The following GOLGA6L7 variants were observed in gnomAD, a reference collection of about 807,000 sequenced individuals.
GOLGA6L7 encodes golgin subfamily A member 6-like protein 7.
GOLGA6L7 carries 29 observed loss-of-function variants against 68.9 expected under a neutral mutation model. That is an observed-to-expected ratio of 0.42 (90% CI 0.31 to 0.57). GOLGA6L7 has a LOEUF of 0.57. Among genes scored for constraint, GOLGA6L7 ranks in the 20% least tolerant of loss-of-function variants. GOLGA6L7 has a pLI of 0.13. For synonymous variants in GOLGA6L7, 133 were observed against 197.4 expected (o/e 0.67, Z 2.73); for missense variants, 396 against 588.4 (o/e 0.67, Z 3.38).
rs375469323 is a variant in GOLGA6L7 at position 28,842,399 on chromosome 15, G to C, written c.1705C>G (p.Arg569Gly). 8.2e-6 allele frequency: 10 copies of C among 1,214,366 alleles called. No individual in the cohort carries two copies. The highest frequency in any genetic ancestry group is 1.6e-5 in the African/African-American group (1 of 63,776). 75.2% of individuals were successfully genotyped at this position (1,214,366 alleles called of 1,614,324 possible). A position where few individuals can be genotyped will look rare whatever the true frequency, so the allele number is the denominator to read the frequency against. Reference sequence around the variant, plus strand: ...TGGGAATAACCCTTCCCGGCCTCTCGTGCAGGCTCCAGGCTGCCAGGGTGG... The same window carrying C: ...TGGGAATAACCCTTCCCGGCCTCTCCTGCAGGCTCCAGGCTGCCAGGGTGG... ...MSHPGSLEPA[R>G]EAGKGYSHDN... is the part of the protein sequence containing the mutation. The change falls in exon 9 of 9, where the codon CGA becomes GGA. Residue 569 changes from arginine to glycine, a missense_variant. Physicochemically the swap from Arg to Gly is moderately radical, Grantham distance 125 (BLOSUM62 -2). Transcript: ENST00000567390.
chr15:28,846,107 G>A, intron 3 of GOLGA6L7, 113 bp downstream of exon 3: 1 of 727,364 alleles, frequency 1.4e-6, no homozygotes, highest in Middle Eastern at 2.7e-4. Flanking sequence ...GAAGCTGGGA[G>A]GTGAGCCTTC....
chr15:28,843,584 T>C (rs1188955564), intron 8 of GOLGA6L7, 144 bp from the exon 9 acceptor site: 16 of 475,914 alleles, frequency 3.4e-5, no homozygotes, highest in Non-Finnish European at 3.6e-6. Flanking sequence ...TTGTAGATTT[T>C]TAGCACACTC....
chr15:28,846,172 C>T, intron 3 of GOLGA6L7, 48 bp downstream of exon 3: 1 of 725,078 alleles, frequency 1.4e-6, no homozygotes, highest in South Asian at 1.5e-5. Context: ...TCTGAGTGCC[C>T]CCCAAACCCA....
chr15:28,843,927 C>T (rs2030311609), intron 7 of GOLGA6L7, 52 bp from the exon 8 acceptor site: 7 of 798,768 alleles, frequency 8.8e-6, no homozygotes, highest in Non-Finnish European at 1.2e-5. Flanking sequence ...GAAAGGACCG[C>T]TTTGGTGATC....
Position 28,842,542 on chromosome 15 carries a change from C to T in GOLGA6L7, c.1562G>A (p.Arg521Gln), listed in dbSNP as rs1350713698. The change falls in exon 9 of 9, where the codon CGG becomes CAG. Residue 521 changes from arginine to glutamine, a missense_variant. Transcript: ENST00000567390. ...CTCCCGCCTCTTCTCCACCTGCCTC[C>T]GGATCTTCTCCTCCTCCTCCTGCAT... ...EKMQEEEEKIRRQVEKRREKK... is the reference protein window; with the variant it reads ...EKMQEEEEKIQRQVEKRREKK... The T allele has an allele frequency of 1.3e-5, 16 of 1,244,652 alleles. No homozygotes were observed. The highest frequency in any genetic ancestry group is 3.0e-4 in the Middle Eastern group (1 of 3,280). 77.1% of individuals were successfully genotyped at this position (1,244,652 alleles called of 1,614,324 possible).
chr15:28,844,791 A>G (rs866286906), intron 6 of GOLGA6L7, among the ~76,000 whole-genome samples: 2 of 150,582 alleles, frequency 1.3e-5, no homozygotes, highest in Non-Finnish European at 2.9e-5. Flanking sequence ...CCTCACAGCC[A>G]CCACAGGAGA....
Position 28,843,241 on chromosome 15 carries a change from T to G in GOLGA6L7, c.863A>C (p.Gln288Pro), listed in dbSNP as rs1316835267. Residue 288 changes from glutamine to proline, a missense_variant, in exon 9 of 9, where the codon CAG (glutamine) becomes CCG (proline). Coordinates refer to ENST00000567390, the MANE Select transcript of GOLGA6L7 (RefSeq NM_001365371.2). ...MQEQEEQMRK[Q>P]EEQMRKQEEQ... The stretch of plus-strand genomic sequence containing the variant: ...CTCCTGCTTCCGCATCTGCTCCTCC[T>G]GCTTCCGCATCTGCTCCTCCTGCTC... The G allele has an allele frequency of 8.1e-7, 1 of 1,239,274 alleles. No individual in the cohort carries two copies. The highest frequency in any genetic ancestry group is 1.7e-5 in the African/African-American group (1 of 58,874). The allele number at this position is 1,239,274 out of a possible 1,614,324, so 76.8% of individuals were successfully genotyped here. A position where few individuals can be genotyped will look rare whatever the true frequency, so the allele number is the denominator to read the frequency against.
chr15:28,846,366 A>T, intron 2 of GOLGA6L7, 117 bp from the exon 3 acceptor site: 1 of 701,908 alleles, frequency 1.4e-6, no homozygotes, highest in Non-Finnish European at 2.6e-6. Context: ...CTCAGACCCA[A>T]TGGGAACACA....
chr15:28,843,194 C>T lies in GOLGA6L7; in HGVS notation c.910G>A (p.Glu304Lys), dbSNP rs1174543726. 1.0e-5 allele frequency: 5 copies of T among 484,062 alleles called. No individual in the cohort carries two copies. Among genetic ancestry groups the T allele is most frequent in the African/African-American group, 2.1e-5 (1 of 48,464 alleles). The allele number at this position is 484,062 out of a possible 1,614,324, so 30.0% of individuals were successfully genotyped here. The change falls in exon 9 of 9, where the codon GAG becomes AAG. Residue 304 changes from glutamate (E) to lysine (K), a missense_variant. Glu to Lys is a moderately conservative substitution (Grantham distance 56, BLOSUM62 1). Around this residue, in one of 5 missense-constraint regions of GOLGA6L7, gnomAD observed 114 missense variants for 186.0 expected, o/e 0.61. Transcript: ENST00000567390. ...KQEEQMRKQEEQMRKQEEQMR... is the reference protein window; with the variant it reads ...KQEEQMRKQEKQMRKQEEQMR... ...TGCTCCTCCTGCTTCCGCATCTGCT[C>T]CTCCTGCTTCCGCATCTGCTCCTCC...
rs1335752865 is a variant in GOLGA6L7 at position 28,842,381 on chromosome 15, A to G, written c.1723T>C (p.Tyr575His). ...TGTGCAGTGCGGTTGTCATGGGAAT[A>G]ACCCTTCCCGGCCTCTCGTGCAGGC... The part of the protein sequence containing the change: ...LEPAREAGKG[Y>H]SHDNRTAQIM... Residue 575 changes from tyrosine (Y) to histidine (H), a missense_variant, in exon 9 of 9, where the codon TAT becomes CAT. This residue lies in a region of GOLGA6L7 where 125 missense variants were observed against 163.3 expected (regional missense o/e 0.77). Coordinates refer to ENST00000567390, the MANE Select transcript of GOLGA6L7 (RefSeq NM_001365371.2). 3.2e-6 allele frequency: 4 copies of G among 1,231,526 alleles called. No individual in the cohort carries two copies. Among genetic ancestry groups the G allele is most frequent in the South Asian group, 3.9e-5 (1 of 25,324 alleles). 76.3% of individuals were successfully genotyped at this position (1,231,526 alleles called of 1,614,324 possible).
chr15:28,845,783 A>G lies in GOLGA6L7; in HGVS notation c.290T>C (p.Met97Thr), dbSNP rs1319530361. 4 of 831,430 alleles carry G rather than the reference A, an allele frequency of 4.8e-6. 1 individual carries two copies. The highest frequency in any genetic ancestry group is 6.2e-6 in the Non-Finnish European group (3 of 484,586). The allele number at this position is 831,430 out of a possible 1,614,324, so 51.5% of individuals were successfully genotyped here. Residue 97 changes from methionine to threonine, a missense_variant, in exon 5 of 9, where the codon ATG becomes ACG. Met to Thr is a moderately conservative substitution (Grantham distance 81, BLOSUM62 -1). Around this residue, in one of 5 missense-constraint regions of GOLGA6L7, gnomAD observed 125 missense variants for 119.4 expected, o/e 1.05. Coordinates refer to ENST00000567390, the MANE Select transcript of GOLGA6L7 (RefSeq NM_001365371.2). The stretch of plus-strand genomic sequence containing the variant: ...TGTCTCCAGTTCAGTTTTCTGACAC[A>G]TAAGGATTCGTATGGTATGATCCTG... ...EAQDHTIRIL[M>T]CQKTELETAL...
At chr15:28,848,278 T>A (rs2030513955) in intron 1 of GOLGA6L7, among the ~76,000 whole-genome samples, 1 of 151,282 alleles carries the variant, frequency 6.6e-6, no homozygotes, top group Non-Finnish European at 1.5e-5. Context: ...GCCCCACGAG[T>A]CACCGGCTGA....
intron 6 of GOLGA6L7, 131 bp downstream of exon 6, chr15:28,845,398 A>G (rs1186004641): frequency 8.6e-6 from 6 of 698,404 alleles, no homozygotes; most frequent in Non-Finnish European, 1.6e-5. Flanking sequence ...ACAACCACGC[A>G]CAAAAGCAGC....
At chr15:28,848,015 G>C (rs781222801) in intron 1 of GOLGA6L7, among the ~76,000 whole-genome samples, 33 of 152,188 alleles carry the variant, frequency 2.2e-4, no homozygotes, top group Admixed American at 3.9e-4. Flanking sequence ...GATTGGCATG[G>C]GGTCACAGGG....
At chr15:28,846,390 T>A (rs2671072) in intron 2 of GOLGA6L7, 141 bp from the exon 3 acceptor site, 1 of 473,104 alleles carries the variant, frequency 2.1e-6, no homozygotes, top group South Asian at 2.5e-5. Flanking sequence ...TGGTCAACTT[T>A]CCTTAACGCC....
chr15:28,847,105 G>C lies in GOLGA6L7; in HGVS notation c.139C>G (p.Pro47Ala), dbSNP rs766236232. ...KKKKINHGAN[P>A]ETTTSGGCHS... Reference sequence around the variant, plus strand: ...CAGCCCCCCGAAGTGGTTGTCTCAGGGTTAGCGCCATGATTTATTTTCTTC... The same window carrying C: ...CAGCCCCCCGAAGTGGTTGTCTCAGCGTTAGCGCCATGATTTATTTTCTTC... Residue 47 changes from proline to alanine, a missense_variant, in exon 2 of 9, where the codon CCT becomes GCT. Physicochemically the swap from Pro to Ala is conservative, Grantham distance 27. Transcript: ENST00000567390. 3.4e-5 allele frequency: 38 copies of C among 1,106,628 alleles called. No homozygotes were observed. In the South Asian group the frequency reaches 4.9e-4, roughly 14 times the overall value. 68.6% of individuals were successfully genotyped at this position (1,106,628 alleles called of 1,614,324 possible). A position where few individuals can be genotyped will look rare whatever the true frequency, so the allele number is the denominator to read the frequency against.
In GOLGA6L7 at chr15:28,842,933, CTAT is replaced by C. The variant is rs2030256076; in HGVS notation, c.1168_1170del (p.Ile390del). The C allele has an allele frequency of 8.5e-7, 1 of 1,177,996 alleles. No homozygotes were observed. The highest frequency in any genetic ancestry group is 2.8e-5 in the African/African-American group (1 of 35,624). 73.0% of individuals were successfully genotyped at this position (1,177,996 alleles called of 1,614,324 possible). On this transcript the variant is annotated inframe_deletion, in exon 9 of 9. Transcript: ENST00000567390. Reference sequence around the variant, plus strand: ...TTTCGCATCTGCTCCTCCTGCTCCCCTATCTGCTCCTCCTGCTTCCACATCTGC... The same window carrying C: ...TTTCGCATCTGCTCCTCCTGCTCCCCCTGCTCCTCCTGCTTCCACATCTGC...
At chr15:28,845,125 T>TACAC (rs60784033) in intron 6 of GOLGA6L7, 4,530 of 297,660 alleles carry the variant, frequency 0.015, 40 homozygotes, top group East Asian at 0.024. Context: ...AATACGTACG[T>TACAC]ACACACACAC....
chr15:28,845,520 T>C lies in GOLGA6L7; in HGVS notation c.462+9A>G. On this transcript the variant is annotated intron_variant, in intron 6 of 8. Coordinates refer to ENST00000567390, the MANE Select transcript of GOLGA6L7 (RefSeq NM_001365371.2). Reference sequence around the variant, plus strand: ...GCTCCCAGGGGACCGGGTAGGTGGTTGGACTCACCTTGTCCGCCCTCTCGT... The same window carrying C: ...GCTCCCAGGGGACCGGGTAGGTGGTCGGACTCACCTTGTCCGCCCTCTCGT... 1.4e-6 allele frequency: 1 copy of C among 707,274 alleles called. No homozygotes were observed. The highest frequency in any genetic ancestry group is 1.7e-5 in the African/African-American group (1 of 57,438). The allele number at this position is 707,274 out of a possible 1,614,324, so 43.8% of individuals were successfully genotyped here. A position where few individuals can be genotyped will look rare whatever the true frequency, so the allele number is the denominator to read the frequency against.
Sources: gnomAD v4.1 joint callset for allele counts (sites outside exome capture counted in the v4.1 genomes callset) on GRCh38, gnomAD v4.1.1 for gene constraint, gnomAD v4.1.1 regional missense constraint, MANE v1.5 for transcripts, NCBI Gene and HGNC (gene_info 2026-07-23, HGNC 2026-07-21) for gene names.